Variants in CCSER1 observed in about 807,000 individuals in gnomAD.
CCSER1 encodes coiled-coil serine rich protein 1, also known as serine-rich coiled-coil domain-containing protein 1.
In CCSER1, 41 loss-of-function variants were observed where a neutral mutation model predicts 82.0. That is an observed-to-expected ratio of 0.50 (90% CI 0.39 to 0.65). The LOEUF (loss-of-function observed/expected upper bound fraction) is 0.65. Among genes scored for constraint, CCSER1 ranks in the 30% least tolerant of loss-of-function variants. CCSER1 has a pLI of 0.00. For synonymous variants in CCSER1, 414 were observed against 383.9 expected, an observed-to-expected ratio of 1.08 and a Z score of -0.92; for missense variants, 1,119 against 1,064.2, an observed-to-expected ratio of 1.05 and a Z score of -0.72.
chr4:90,902,273 A>G (rs942453858), intron 8 of CCSER1, among the ~76,000 whole-genome samples: 1 of 151,494 alleles, frequency 6.6e-6, no homozygotes, highest in African/African-American at 2.4e-5. Flanking sequence ...ACATATTTTG[A>G]ATTATTCATA....
At chr4:90,916,905 A>G (rs1038183655) in intron 8 of CCSER1, among the ~76,000 whole-genome samples, 2 of 114,210 alleles carry the variant, frequency 1.8e-5, no homozygotes, top group Admixed American at 8.1e-5. Context: ...TAAGAGACAC[A>G]TGAAAAAAAT....
intron 10 of CCSER1, among the ~76,000 whole-genome samples, chr4:91,189,451 C>G (rs1410630949): frequency 1.3e-5 from 2 of 152,144 alleles, no homozygotes; most frequent in African/African-American, 4.8e-5. Flanking sequence ...AGCATCTGGT[C>G]TCCAGTGGCC....
intron 7 of CCSER1, among the ~76,000 whole-genome samples, chr4:90,764,488 G>GA (rs1750901626): frequency 6.6e-6 from 1 of 152,106 alleles, no homozygotes. Context: ...TATACCTACA[G>GA]AGACATCAAT....
intron 4 of CCSER1, among the ~76,000 whole-genome samples, chr4:90,442,852 A>C (rs139696212): frequency 3.6e-4 from 55 of 152,298 alleles, no homozygotes; most frequent in African/African-American, 1.3e-3. Context: ...TTATGCTGAC[A>C]GAGAGAGTGC....
chr4:91,474,810 T>TAC lies in CCSER1; in HGVS notation c.2218-123761_2218-123760insCA, dbSNP rs1352719096. Among the ~76,000 whole-genome samples the TAC allele has an allele frequency of 2.5e-3, 170 of 67,712 alleles. 1 individual carries two copies. Among genetic ancestry groups the TAC allele is most frequent in the African/African-American group, 8.6e-3 (156 of 18,150 alleles). The allele number at this position is 67,712 out of a possible 152,430, so 44.4% of individuals were successfully genotyped here. A position where few individuals can be genotyped will look rare whatever the true frequency, so the allele number is the denominator to read the frequency against. On this transcript the variant is annotated intron_variant, in intron 10 of 10. Transcript: ENST00000509176. ...GTGTATATATATATATATATATATA[T>TAC]ATACACACACACACACACACACACA...
At chr4:90,835,107 G>A (rs1294782730) in intron 8 of CCSER1, among the ~76,000 whole-genome samples, 2 of 152,122 alleles carry the variant, frequency 1.3e-5, no homozygotes, top group Non-Finnish European at 2.9e-5. Flanking sequence ...CGAGGCGGAT[G>A]GATCACGAGG....
chr4:91,189,275 AT>A (rs1734816398), intron 10 of CCSER1, among the ~76,000 whole-genome samples: 1 of 152,054 alleles, frequency 6.6e-6, no homozygotes, highest in Admixed American at 6.6e-5. Flanking sequence ...TCTTTATTTG[AT>A]TTAGGTAGAA....
rs1394820549 is a variant in CCSER1 at position 90,910,878 on chromosome 4, A to G, written c.2095-12492A>G. Reference sequence around the variant, plus strand: ...AAAGCATCTCATTAACAGGCCAACTATTAACACTTGTGGGTCCCAGGCCAA... The same window carrying G: ...AAAGCATCTCATTAACAGGCCAACTGTTAACACTTGTGGGTCCCAGGCCAA... On this transcript the variant is annotated intron_variant, in intron 8 of 10. Coordinates refer to ENST00000509176, the MANE Select transcript of CCSER1 (RefSeq NM_001145065.2). Among the ~76,000 whole-genome samples the G allele has an allele frequency of 3.3e-5, 5 of 150,758 alleles. No homozygotes were observed. The South Asian group carries it at 6.2e-4, about 19-fold the overall frequency.
At chr4:91,134,332 G>T (rs1303829632) in intron 10 of CCSER1, among the ~76,000 whole-genome samples, 3 of 151,504 alleles carry the variant, frequency 2.0e-5, no homozygotes, top group African/African-American at 7.3e-5. Context: ...AGGATTCTAG[G>T]TTACAGTGAG....
At chr4:90,694,786 T>A (rs1344258944) in intron 6 of CCSER1, among the ~76,000 whole-genome samples, 5 of 131,362 alleles carry the variant, frequency 3.8e-5, no homozygotes, top group Admixed American at 3.1e-4. Context: ...CAATGCACGA[T>A]GTGTGTGTGG....
intron 6 of CCSER1, among the ~76,000 whole-genome samples, chr4:90,695,549 T>A (rs147703381): frequency 1.6e-3 from 250 of 152,150 alleles, no homozygotes; most frequent in African/African-American, 5.8e-3. Context: ...GGAATGGAAC[T>A]AATCCTCTTA....
chr4:90,572,873 T>C (rs1031000897), intron 5 of CCSER1, among the ~76,000 whole-genome samples: 1 of 152,236 alleles, frequency 6.6e-6, no homozygotes, highest in Non-Finnish European at 1.5e-5. Flanking sequence ...TTTGGTAATG[T>C]CTTGTTTTTC....
At chr4:91,237,035 T>C (rs1739061979) in intron 10 of CCSER1, among the ~76,000 whole-genome samples, 1 of 152,222 alleles carries the variant, frequency 6.6e-6, no homozygotes, top group African/African-American at 2.4e-5. Context: ...AAACATACTA[T>C]TCAATCTTTG....
intron 10 of CCSER1, among the ~76,000 whole-genome samples, chr4:91,132,588 T>G (rs1170609582): frequency 1.3e-5 from 2 of 152,178 alleles, no homozygotes; most frequent in Non-Finnish European, 2.9e-5. Context: ...AATACAAAAA[T>G]GAATGAGATG....
intron 1 of CCSER1, among the ~76,000 whole-genome samples, chr4:90,262,529 T>C (rs1478819676): frequency 1.3e-5 from 2 of 152,168 alleles, no homozygotes; most frequent in Non-Finnish European, 2.9e-5. Context: ...TTCCTGTTAT[T>C]TTATTTACTG....
intron 4 of CCSER1, among the ~76,000 whole-genome samples, chr4:90,436,843 G>A (rs1224947741): frequency 7.5e-5 from 11 of 147,136 alleles, no homozygotes; most frequent in South Asian, 2.1e-4. Flanking sequence ...GTCTCACTCT[G>A]TCGCCCAGGC....
At chr4:90,985,712 T>C (rs1318360261) in intron 9 of CCSER1, among the ~76,000 whole-genome samples, 1 of 151,762 alleles carries the variant, frequency 6.6e-6, no homozygotes, top group Non-Finnish European at 1.5e-5. Context: ...CATTCATTTC[T>C]ATTTAACTGA....
chr4:91,472,419 C>T (rs1003628497), intron 10 of CCSER1, among the ~76,000 whole-genome samples: 51 of 152,070 alleles, frequency 3.4e-4, no homozygotes, highest in Non-Finnish European at 7.4e-5. Context: ...ACGTTTTTTT[C>T]CCATCGTATC....
chr4:90,616,131 C>T (rs999604580), intron 5 of CCSER1, among the ~76,000 whole-genome samples: 10 of 152,016 alleles, frequency 6.6e-5, no homozygotes, highest in Non-Finnish European at 7.4e-5. Flanking sequence ...TGCTATTGCA[C>T]GCTTAATAAA....
Sources: allele counts gnomAD v4.1 joint callset (sites outside exome capture counted in the v4.1 genomes callset), GRCh38; gene constraint gnomAD v4.1.1; transcripts MANE v1.5; gene names NCBI Gene and HGNC (gene_info 2026-07-23, HGNC 2026-07-21).